Variants in GFPT1 observed in about 807,000 individuals in gnomAD.
The protein encoded by GFPT1 is glutamine--fructose-6-phosphate aminotransferase [isomerizing] 1.
In GFPT1, 40 loss-of-function variants were observed where a neutral mutation model predicts 92.0. That is an observed-to-expected ratio of 0.43 (90% confidence interval 0.34 to 0.57). The LOEUF (loss-of-function observed/expected upper bound fraction) is 0.57. Among genes scored for constraint, GFPT1 ranks in the 20% least tolerant of loss-of-function variants. GFPT1 has a pLI of 0.02. For synonymous variants in GFPT1, 269 were observed against 280.6 expected, an observed-to-expected ratio of 0.96 and a Z score of 0.41; for missense variants, 448 against 869.1, an observed-to-expected ratio of 0.52 and a Z score of 6.09.
In GFPT1 at chr2:69,321,273, C is replaced by T. The variant is rs1480251201; in HGVS notation, c.*4916G>A. The T allele has an allele frequency of 6.6e-6, 1 of 152,160 alleles. No homozygotes were observed. The highest frequency in any genetic ancestry group is 2.4e-5 in the African/African-American group (1 of 41,426). 9.4% of individuals were successfully genotyped at this position (152,160 alleles called of 1,614,324 possible). ...CTGTGGAGTTTGGTATCAGAAAGGGCAGAGCCTTTGTTTTATCTAACGATT... is the reference window on the plus strand; with the variant it reads ...CTGTGGAGTTTGGTATCAGAAAGGGTAGAGCCTTTGTTTTATCTAACGATT... On this transcript the variant is annotated 3_prime_UTR_variant, in exon 20 of 20. Transcript: ENST00000357308.
intron 6 of GFPT1, 123 bp downstream of exon 6, chr2:69,358,206 T>C (rs1483907708): frequency 3.3e-5 from 25 of 750,486 alleles, no homozygotes; most frequent in Non-Finnish European, 5.5e-5. Context: ...ACTTGAATAG[T>C]TATATGAGAA....
chr2:69,387,065 C>T lies in GFPT1; in HGVS notation c.7G>A (p.Gly3Ser). The T allele has an allele frequency of 1.3e-6, 2 of 1,537,468 alleles. No homozygotes were observed. The highest frequency in any genetic ancestry group is 8.7e-7 in the Non-Finnish European group (1 of 1,146,020). MC[G>S]IFAYLNYHVP... ...CGCCCCCCGCTCCCGGCCCCCTTACCACACATGATGCCGGAGACACGGCCC... is the reference window on the plus strand; with the variant it reads ...CGCCCCCCGCTCCCGGCCCCCTTACTACACATGATGCCGGAGACACGGCCC... Residue 3 changes from glycine to serine, a missense_variant and splice_region_variant, in exon 1 of 20, where the codon GGT becomes AGT. Gly to Ser is a moderately conservative substitution (Grantham distance 56, BLOSUM62 0). Transcript: ENST00000357308.
intron 15 of GFPT1, chr2:69,334,652 T>C (rs149684155): frequency 6.6e-6 from 1 of 152,364 alleles, no homozygotes; most frequent in Non-Finnish European, 1.5e-5. Context: ...GTTACTAAAG[T>C]TGGTATACAA....
At chr2:69,382,635 C>T (rs1440734860) in intron 1 of GFPT1, among the ~76,000 whole-genome samples, 2 of 152,242 alleles carry the variant, frequency 1.3e-5, no homozygotes, top group African/African-American at 4.8e-5. Flanking sequence ...CTGCCTTTAA[C>T]CACTGTTCCT....
At chr2:69,352,946 T>C (rs1671247453) in intron 9 of GFPT1, among the ~76,000 whole-genome samples, 1 of 151,976 alleles carries the variant, frequency 6.6e-6, no homozygotes, top group Non-Finnish European at 1.5e-5. Flanking sequence ...CTCTGGAGGC[T>C]GAGGCATGAG....
intron 3 of GFPT1, among the ~76,000 whole-genome samples, chr2:69,368,848 A>G (rs1378412057): frequency 1.3e-5 from 2 of 152,176 alleles, no homozygotes; most frequent in African/African-American, 4.8e-5. Context: ...TTGTCTACCA[A>G]TACTGTAAAT....
chr2:69,333,565 C>T (rs1230646020), intron 15 of GFPT1, among the ~76,000 whole-genome samples: 1 of 152,166 alleles, frequency 6.6e-6, no homozygotes, highest in Non-Finnish European at 1.5e-5. Flanking sequence ...AAATTTTAAA[C>T]TTGGTTTTTC....
At chr2:69,384,693 C>CAAAAAA (rs71964630) in intron 1 of GFPT1, among the ~76,000 whole-genome samples, 28 of 106,548 alleles carry the variant, frequency 2.6e-4, no homozygotes, top group African/African-American at 4.6e-4. Flanking sequence ...GGCCCCGTCA[C>CAAAAAA]AAAAAAAAAA....
chr2:69,358,239 T>C (rs1671387543), intron 6 of GFPT1, 90 bp downstream of exon 6: 2 of 1,107,530 alleles, frequency 1.8e-6, no homozygotes, highest in East Asian at 2.4e-5. Flanking sequence ...AATAAAAAAA[T>C]AGCACAGTTC....
chr2:69,336,305 C>T (rs1289907101), intron 15 of GFPT1, among the ~76,000 whole-genome samples: 6 of 141,360 alleles, frequency 4.2e-5, no homozygotes, highest in Non-Finnish European at 6.0e-5. Flanking sequence ...CGCCACTGCA[C>T]TCCAGCCTGG....
intron 1 of GFPT1, among the ~76,000 whole-genome samples, chr2:69,376,440 AC>A (rs1671871770): frequency 6.6e-6 from 1 of 151,874 alleles, no homozygotes; most frequent in South Asian, 2.1e-4. Context: ...GAACCCTTGA[AC>A]CCAGGAGGCG....
At chr2:69,342,276 T>G in intron 12 of GFPT1, 27 bp from the exon 13 acceptor site, 1 of 1,403,524 alleles carries the variant, frequency 7.1e-7, no homozygotes, top group African/African-American at 1.4e-5. Flanking sequence ...TGTACATAAT[T>G]ATTTAGCAAA....
At position 69,341,705 on chromosome 2, in the gene GFPT1, T is replaced by C. The variant is rs185055778; in HGVS notation, c.1203+447A>G. Among the ~76,000 whole-genome samples the C allele has an allele frequency of 2.0e-3, 302 of 152,116 alleles. 1 individual carries two copies. The highest frequency in any genetic ancestry group is 0.012 in the South Asian group (58 of 4,818). ...AAAGAACAATTTAAAGAATAAAATC[T>C]GATTTAAAAAAAAAAGCAGACTACC... On this transcript the variant is annotated intron_variant, in intron 13 of 19. Coordinates refer to ENST00000357308, the MANE Select transcript of GFPT1 (RefSeq NM_001244710.2).
intron 7 of GFPT1, among the ~76,000 whole-genome samples, chr2:69,355,983 CTTTTTTTTTTTTT>C (rs1157501841): frequency 4.9e-4 from 37 of 75,616 alleles, no homozygotes; most frequent in South Asian, 3.0e-3. Flanking sequence ...TATTTGCTTT[CTTTTTTTTTTTTT>C]TTTTTTTTTT....
intron 6 of GFPT1, among the ~76,000 whole-genome samples, chr2:69,357,128 A>G (rs571920130): frequency 6.9e-4 from 105 of 152,338 alleles, no homozygotes; most frequent in African/African-American, 2.5e-3. Context: ...TCTACAGGCT[A>G]TGAACACTTC....
In GFPT1 at chr2:69,362,223, G is replaced by T. The variant is rs541422168; in HGVS notation, c.349+1322C>A. The stretch of plus-strand genomic sequence containing the variant: ...TGGCTCACTGCAGCCTCAACCCCCA[G>T]GTTCAGGTGATCCTCCTGCCTTAGC... On this transcript the variant is annotated intron_variant, in intron 4 of 19. Coordinates refer to ENST00000357308, the MANE Select transcript of GFPT1 (RefSeq NM_001244710.2). 2.6e-5 allele frequency among the ~76,000 whole-genome samples: 4 copies of T among 152,208 alleles called. No individual in the cohort carries two copies. In the East Asian group the frequency reaches 7.7e-4, roughly 29 times the overall value.
At chr2:69,386,152 T>C (rs1195238939) in intron 1 of GFPT1, among the ~76,000 whole-genome samples, 1 of 152,152 alleles carries the variant, frequency 6.6e-6, no homozygotes, top group Non-Finnish European at 1.5e-5. Context: ...TTAGAAGATA[T>C]CAGTCATGTC....
chr2:69,379,843 T>C (rs1018879485), intron 1 of GFPT1, among the ~76,000 whole-genome samples: 1 of 152,006 alleles, frequency 6.6e-6, no homozygotes, highest in African/African-American at 2.4e-5. Flanking sequence ...CCTCAGCCTC[T>C]GGAGTAGCTG....
intron 19 of GFPT1, among the ~76,000 whole-genome samples, chr2:69,326,466 G>C (rs998570692): frequency 6.6e-6 from 1 of 152,156 alleles, no homozygotes; most frequent in African/African-American, 2.4e-5. Context: ...AGTTCACACA[G>C]AAAGAGCTAC....
Sources: allele counts gnomAD v4.1 joint callset (sites outside exome capture counted in the v4.1 genomes callset), GRCh38; gene constraint gnomAD v4.1.1; transcripts MANE v1.5; gene names NCBI Gene and HGNC (gene_info 2026-07-23, HGNC 2026-07-21).